Variants in RP1 observed in about 807,000 individuals in gnomAD.
RP1 encodes the protein oxygen-regulated protein 1.
A neutral mutation model predicts 14.8 loss-of-function variants in RP1; 16 were observed. The observed-to-expected ratio is 1.08, with a 90% CI of 0.73 to 1.65. The LOEUF is 1.65. Ranked by LOEUF, RP1 falls within the 40% of genes most tolerant of loss-of-function variation. RP1 has a pLI of 0.00. For synonymous variants in RP1, 876 were observed against 883.6 expected, an observed-to-expected ratio of 0.99 and a Z score of 0.15; for missense variants, 2,631 against 2,535.0, an observed-to-expected ratio of 1.04 and a Z score of -0.81.
At chr8:54,799,782 C>A (rs1810659774) in intron 24 of RP1, among the ~76,000 whole-genome samples, 1 of 151,900 alleles carries the variant, frequency 6.6e-6, no homozygotes, top group African/African-American at 2.4e-5. Context: ...TTTCTACTTC[C>A]CATTTCTTAT....
intron 19 of RP1, among the ~76,000 whole-genome samples, chr8:54,741,499 A>G (rs1183511321): frequency 6.6e-6 from 1 of 151,900 alleles, no homozygotes; most frequent in Non-Finnish European, 1.5e-5. Flanking sequence ...CCTGTGATCA[A>G]TAAGCTATAC....
intron 24 of RP1, among the ~76,000 whole-genome samples, chr8:54,789,899 C>T (rs1192159486): frequency 6.6e-6 from 1 of 152,282 alleles, no homozygotes; most frequent in African/African-American, 2.4e-5. Context: ...AATTGCAGAG[C>T]CCAGGCTGCA....
intron 26 of RP1, among the ~76,000 whole-genome samples, chr8:54,854,634 G>A (rs1812145637): frequency 6.6e-6 from 1 of 152,196 alleles, no homozygotes; most frequent in Non-Finnish European, 1.5e-5. Flanking sequence ...GGAGGCCGAG[G>A]TGGGTGGATC....
At chr8:54,847,283 T>G (rs1448381680) in intron 25 of RP1, among the ~76,000 whole-genome samples, 2 of 152,210 alleles carry the variant, frequency 1.3e-5, no homozygotes, top group Non-Finnish European at 1.5e-5. Flanking sequence ...ATTCTTTCAG[T>G]CTGTTTCAGA....
intron 24 of RP1, among the ~76,000 whole-genome samples, chr8:54,812,694 T>G (rs1003596110): frequency 6.6e-6 from 1 of 152,226 alleles, no homozygotes; most frequent in Non-Finnish European, 1.5e-5. Flanking sequence ...TAACAGCAGA[T>G]TCTCATTCAC....
At chr8:54,731,155 A>C (rs1808785281) in intron 17 of RP1, among the ~76,000 whole-genome samples, 1 of 152,186 alleles carries the variant, frequency 6.6e-6, no homozygotes, top group African/African-American at 2.4e-5. Flanking sequence ...CAGCTAGTTT[A>C]TTACTTATTT....
At chr8:54,679,535 T>C (rs1413970600) in intron 10 of RP1, 1 of 1,535,764 alleles carries the variant, frequency 6.5e-7, no homozygotes, top group African/African-American at 1.4e-5. Flanking sequence ...AAAACTCTTT[T>C]ATGATGACTG....
intron 24 of RP1, among the ~76,000 whole-genome samples, chr8:54,798,182 T>A (rs1810620517): frequency 6.6e-6 from 1 of 151,828 alleles, no homozygotes; most frequent in Non-Finnish European, 1.5e-5. Flanking sequence ...CCCGGCTAAG[T>A]TTTTTGTATT....
chr8:54,731,177 T>C (rs1426185489), intron 17 of RP1, among the ~76,000 whole-genome samples: 7 of 152,192 alleles, frequency 4.6e-5, no homozygotes, highest in Non-Finnish European at 1.0e-4. Flanking sequence ...TACAAGTAAT[T>C]TATTTTTTTC....
chr8:54,629,583 C>T lies in RP1; in HGVS notation c.5701C>T (p.Leu1901Phe), dbSNP rs113793810. 1.0e-3 allele frequency: 1,687 copies of T among 1,613,986 alleles called. 9 individuals are homozygous for T. The African/African-American group carries it at 0.012, about 11-fold the overall frequency. ...LPGSNMIHGT[L>F]QEADSLDKLY... ...TGGCAGTAATATGATTCATGGTACACTTCAGGAAGCTGACTCTTTGGATAA... is the reference window on the plus strand; with the variant it reads ...TGGCAGTAATATGATTCATGGTACATTTCAGGAAGCTGACTCTTTGGATAA... The change falls in exon 4 of 4, where the codon CTT becomes TTT. Residue 1901 changes from leucine (L) to phenylalanine (F), a missense_variant. Coordinates refer to ENST00000220676, the MANE Select transcript of RP1 (RefSeq NM_006269.2).
intron 19 of RP1, among the ~76,000 whole-genome samples, chr8:54,745,928 T>C (rs1284941020): frequency 6.6e-6 from 1 of 152,164 alleles, no homozygotes; most frequent in Non-Finnish European, 1.5e-5. Context: ...TTAGTATTGA[T>C]AGAAAAATAC....
intron 12 of RP1, among the ~76,000 whole-genome samples, chr8:54,681,482 TTGTGTGTGTGTG>T (rs3049538): frequency 2.6e-4 from 37 of 141,778 alleles, no homozygotes; most frequent in East Asian, 8.2e-4. Context: ...ATTTTTTGAT[TTGTGTGTGTGTG>T]TGTGTGTGTG....
At position 54,628,859 on chromosome 8, in the gene RP1, T is replaced by G; in HGVS notation, c.4977T>G (p.Tyr1659Ter). ...CCCGCAAATCTCAGGTTTGTCCTTA[T>G]AATTCTGTGGAATTTCAGTGTTCCA... ...GSTRKSQVCP[Y>*]NSVEFQCSRK... Residue 1659 changes from tyrosine to a stop codon, truncating the protein, a stop_gained, in exon 4 of 4, where the codon TAT becomes TAG. Transcript: ENST00000220676. LOFTEE classifies it low-confidence loss of function (END_TRUNC). 6.2e-7 allele frequency: 1 copy of G among 1,614,196 alleles called. No homozygotes were observed. The highest frequency in any genetic ancestry group is 2.2e-5 in the East Asian group (1 of 44,884).
intron 24 of RP1, among the ~76,000 whole-genome samples, chr8:54,833,269 T>G (rs990933533): frequency 3.3e-5 from 5 of 151,902 alleles, no homozygotes; most frequent in African/African-American, 4.8e-5. Context: ...TTGTTTCTCA[T>G]AGAATTGGAA....
rs764869545 is a variant in RP1, at chr8:54,627,363, C to G, written c.3481C>G (p.Leu1161Val). 2 of 1,614,148 alleles carry G rather than the reference C, an allele frequency of 1.2e-6. No individual in the cohort carries two copies. The highest frequency in any genetic ancestry group is 1.7e-6 in the Non-Finnish European group (2 of 1,179,982). ...HKATNKSSET[L>V]ALLEILKHIA... ...GGCTACCAACAAATCTTCAGAAACACTTGCATTGTTGGAGATTCTAAAGCA... is the reference window on the plus strand; with the variant it reads ...GGCTACCAACAAATCTTCAGAAACAGTTGCATTGTTGGAGATTCTAAAGCA... Residue 1161 changes from leucine to valine, a missense_variant, in exon 4 of 4, where the codon CTT becomes GTT. Coordinates refer to ENST00000220676, the MANE Select transcript of RP1 (RefSeq NM_006269.2).
chr8:54,825,332 C>G (rs1029875735), intron 24 of RP1, among the ~76,000 whole-genome samples: 1 of 152,256 alleles, frequency 6.6e-6, no homozygotes, highest in African/African-American at 2.4e-5. Context: ...GCAAAACTGC[C>G]TGCCTTCAAC....
chr8:54,666,896 C>A (rs1409882329), intron 7 of RP1, among the ~76,000 whole-genome samples: 1 of 151,880 alleles, frequency 6.6e-6, no homozygotes, highest in Non-Finnish European at 1.5e-5. Context: ...TGGATAGCAA[C>A]CATAAAAGTT....
At chr8:54,791,099 A>AT (rs1381276295) in intron 24 of RP1, among the ~76,000 whole-genome samples, 1 of 152,332 alleles carries the variant, frequency 6.6e-6, no homozygotes, top group East Asian at 1.9e-4. Context: ...TTTGAAAGCA[A>AT]TGAAAGAAAA....
At chr8:54,758,904 C>A (rs778918517) in intron 21 of RP1, 171 of 1,515,636 alleles carry the variant, frequency 1.1e-4, no homozygotes, top group Middle Eastern at 1.8e-4. Flanking sequence ...GGGTTTTTTT[C>A]TCTGTCTCCT....
Sources: gnomAD v4.1 joint callset for allele counts (sites outside exome capture counted in the v4.1 genomes callset) on GRCh38, gnomAD v4.1.1 for gene constraint, MANE v1.5 for transcripts, NCBI Gene and HGNC (gene_info 2026-07-23, HGNC 2026-07-21) for gene names.